Variants in GSE1 observed in about 807,000 individuals in gnomAD.
The protein encoded by GSE1 is genetic suppressor element 1.
GSE1 carries 32 observed loss-of-function variants against 112.6 expected under a neutral mutation model. The observed-to-expected ratio is 0.28, with a 90% CI of 0.21 to 0.38. The LOEUF (loss-of-function observed/expected upper bound fraction) is 0.38, where lower values mean the gene tolerates loss of function less well. Ranked by LOEUF, GSE1 falls within the 10% of genes least tolerant of loss-of-function variation. The pLI is 1.00. For synonymous variants in GSE1, 1,115 were observed against 735.6 expected, an observed-to-expected ratio of 1.52 and a Z score of -8.35; for missense variants, 2,348 against 1,699.2, an observed-to-expected ratio of 1.38 and a Z score of -6.71.
chr16:85,389,741 C>T (rs1030419847), intron 2 of GSE1, among the ~76,000 whole-genome samples: 1 of 152,146 alleles, frequency 6.6e-6, no homozygotes, highest in African/African-American at 2.4e-5. Context: ...TGAAGCCCTT[C>T]CTGCTTGGAG....
At chr16:85,205,786 A>G (rs897321052) in intron 1 of GSE1, among the ~76,000 whole-genome samples, 1 of 152,188 alleles carries the variant, frequency 6.6e-6, no homozygotes, top group South Asian at 2.1e-4. Context: ...AAATCCTCGC[A>G]GACTGGGAGG....
At chr16:85,429,937 C>T (rs1195307766) in intron 2 of GSE1, among the ~76,000 whole-genome samples, 1 of 152,224 alleles carries the variant, frequency 6.6e-6, no homozygotes, top group Non-Finnish European at 1.5e-5. Context: ...TGTTCTCCTC[C>T]GTGCAGTTCC....
At chr16:85,650,563 C>G (rs1028185400) in intron 3 of GSE1, among the ~76,000 whole-genome samples, 2 of 152,332 alleles carry the variant, frequency 1.3e-5, no homozygotes, top group Admixed American at 6.5e-5. Context: ...GGTCCCTCCT[C>G]GGAGGGTCCT....
At chr16:85,199,383 G>T (rs1369132887) in intron 1 of GSE1, among the ~76,000 whole-genome samples, 1 of 152,212 alleles carries the variant, frequency 6.6e-6, no homozygotes, top group African/African-American at 2.4e-5. Context: ...ACAGTACCTG[G>T]CTGTGGGGTT....
intron 1 of GSE1, among the ~76,000 whole-genome samples, chr16:85,343,266 G>A (rs1251905218): frequency 6.6e-6 from 1 of 152,198 alleles, no homozygotes; most frequent in East Asian, 1.9e-4. Flanking sequence ...ACCGAGCACT[G>A]TGTGATTCCA....
chr16:85,444,231 G>T (rs1315700697), intron 2 of GSE1, among the ~76,000 whole-genome samples: 1 of 152,082 alleles, frequency 6.6e-6, no homozygotes, highest in East Asian at 1.9e-4. Context: ...TGACCCTCCC[G>T]CCTCGGCCTC....
intron 1 of GSE1, among the ~76,000 whole-genome samples, chr16:85,628,390 G>A (rs890858202): frequency 6.6e-6 from 1 of 152,256 alleles, no homozygotes; most frequent in Non-Finnish European, 1.5e-5. Flanking sequence ...TGGGGCTGGA[G>A]GGGGCCCATG....
chr16:85,238,472 A>C (rs1904891563), intron 1 of GSE1, among the ~76,000 whole-genome samples: 1 of 152,086 alleles, frequency 6.6e-6, no homozygotes, highest in South Asian at 2.1e-4. Flanking sequence ...CTGCAGGCGG[A>C]ATCCCGAGCC....
In GSE1 at chr16:85,488,079, T is replaced by A. The variant is rs138142606; in HGVS notation, c.2464+130436T>A. Among the ~76,000 whole-genome samples the A allele has an allele frequency of 4.2e-4, 64 of 152,268 alleles. 2 individuals are homozygous for A. In the Middle Eastern group the frequency reaches 0.037, roughly 89 times the overall value. On this transcript the variant is annotated intron_variant, in intron 2 of 2. Coordinates refer to the GSE1 transcript ENST00000637419. ...AACGTCTTGGAGTCTGTGGCTGTCC[T>A]CGCTGTGACCTTGCAGGGCCATGCT... is the stretch of plus-strand genomic sequence containing the variant.
At chr16:85,403,877 G>A (rs2048178098) in intron 2 of GSE1, among the ~76,000 whole-genome samples, 1 of 152,146 alleles carries the variant, frequency 6.6e-6, no homozygotes, top group African/African-American at 2.4e-5. Context: ...CAAGGTGTGG[G>A]CAGGGCTGCA....
chr16:85,356,374 C>A (rs892170558), intron 1 of GSE1, among the ~76,000 whole-genome samples: 10 of 152,260 alleles, frequency 6.6e-5, no homozygotes, highest in African/African-American at 2.2e-4. Flanking sequence ...GTTCCCTTGG[C>A]AGGGGGCAGC....
At chr16:85,379,932 C>T (rs115705658) in intron 2 of GSE1, among the ~76,000 whole-genome samples, 2,222 of 152,316 alleles carry the variant, frequency 0.015, 48 homozygotes, top group African/African-American at 0.051. Context: ...TGCCAGGCTG[C>T]CCCAGACAAC....
At chr16:85,508,772 C>A (rs1012119093) in intron 2 of GSE1, among the ~76,000 whole-genome samples, 1 of 152,214 alleles carries the variant, frequency 6.6e-6, no homozygotes, top group African/African-American at 2.4e-5. Flanking sequence ...AAGCTAATCA[C>A]GCTTTGTCTT....
intron 2 of GSE1, among the ~76,000 whole-genome samples, chr16:85,456,030 T>C (rs189825950): frequency 6.6e-6 from 1 of 152,302 alleles, no homozygotes; most frequent in East Asian, 1.9e-4. Context: ...GGATACCCAG[T>C]TGTAAGTAAC....
chr16:85,366,697 C>T (rs940307603), intron 2 of GSE1, among the ~76,000 whole-genome samples: 4 of 152,112 alleles, frequency 2.6e-5, no homozygotes, highest in Non-Finnish European at 5.9e-5. Context: ...TAGCGTGTGA[C>T]TCTGTGTGTC....
intron 1 of GSE1, among the ~76,000 whole-genome samples, chr16:85,242,213 C>G (rs1905223556): frequency 1.3e-5 from 2 of 152,186 alleles, no homozygotes; most frequent in African/African-American, 4.8e-5. Flanking sequence ...AGTGTAATGC[C>G]TTTCTGTCCA....
At chr16:85,629,139 CT>C (rs1027881659) in intron 1 of GSE1, among the ~76,000 whole-genome samples, 6 of 152,238 alleles carry the variant, frequency 3.9e-5, no homozygotes, top group African/African-American at 1.4e-4. Flanking sequence ...CTCCTGAGGC[CT>C]CCCCAGAAGC....
intron 2 of GSE1, among the ~76,000 whole-genome samples, chr16:85,477,984 A>G (rs1030786181): frequency 6.6e-6 from 1 of 151,838 alleles, no homozygotes; most frequent in Admixed American, 6.6e-5. Flanking sequence ...CGTTCCCGTC[A>G]CTCCAGAAAG....
At chr16:85,306,800 C>G (rs1473528728) in intron 1 of GSE1, among the ~76,000 whole-genome samples, 2 of 152,228 alleles carry the variant, frequency 1.3e-5, no homozygotes, top group East Asian at 1.9e-4. Context: ...GAGCTGTGGA[C>G]TTGACAGAGC....
Sources: allele counts gnomAD v4.1 joint callset (sites outside exome capture counted in the v4.1 genomes callset), GRCh38; gene constraint gnomAD v4.1.1; transcripts MANE v1.5; gene names NCBI Gene and HGNC (gene_info 2026-07-23, HGNC 2026-07-21).